CYTIP: variants seen among roughly 807,000 people sequenced by gnomAD.
The protein encoded by CYTIP is cytohesin-interacting protein.
A neutral mutation model predicts 43.8 loss-of-function variants in CYTIP; 26 were observed. The ratio of observed to expected loss-of-function variants is 0.59; its 90% confidence interval spans 0.44 to 0.82. The LOEUF is 0.82. Among genes scored for constraint, CYTIP ranks in the 40% least tolerant of loss-of-function variants. The pLI is 0.00. For missense variants in CYTIP, 426 were observed against 443.1 expected (o/e 0.96, Z 0.35); for synonymous variants, 162 against 162.9 (o/e 0.99, Z 0.04).
chr2:157,428,478 C>T (rs1291125137), intron 5 of CYTIP, among the ~76,000 whole-genome samples: 1 of 152,192 alleles, frequency 6.6e-6, no homozygotes, highest in Admixed American at 6.5e-5. Context: ...GAATCTGTTT[C>T]ATTGGGATTG....
At chr2:157,437,421 C>G (rs1685827940) in intron 1 of CYTIP, among the ~76,000 whole-genome samples, 1 of 151,924 alleles carries the variant, frequency 6.6e-6, no homozygotes, top group South Asian at 2.1e-4. Context: ...CTATACAAGA[C>G]TGGGCATGGT....
intron 5 of CYTIP, among the ~76,000 whole-genome samples, chr2:157,430,342 T>C (rs778603100): frequency 8.5e-5 from 13 of 152,236 alleles, no homozygotes; most frequent in Non-Finnish European, 1.8e-4. Flanking sequence ...GTTTGGGCTA[T>C]TGATGTCCTC....
At chr2:157,422,067 T>C (rs1393413204) in intron 6 of CYTIP, among the ~76,000 whole-genome samples, 2 of 152,204 alleles carry the variant, frequency 1.3e-5, no homozygotes, top group Non-Finnish European at 2.9e-5. Context: ...TGCTGCTGGC[T>C]ATGGCTCATG....
intron 1 of CYTIP, chr2:157,438,887 T>A (rs565082214): frequency 2.5e-4 from 87 of 352,050 alleles, no homozygotes; most frequent in African/African-American, 1.8e-3. Context: ...AAATACCCTT[T>A]TAGTATGCCG....
rs117151894 is a variant in CYTIP at position 157,422,194 on chromosome 2, T to C, written c.547-3605A>G. ...GCCCCCAGACCTGGCTCTGGATTGATAGCCTTGAAGTGCCAAGTGGGGGCA... is the reference window on the plus strand; with the variant it reads ...GCCCCCAGACCTGGCTCTGGATTGACAGCCTTGAAGTGCCAAGTGGGGGCA... On this transcript the variant is annotated intron_variant, in intron 6 of 7. Coordinates refer to ENST00000264192, the MANE Select transcript of CYTIP (RefSeq NM_004288.5). Among the ~76,000 whole-genome samples, 55 of 152,308 alleles carry C rather than the reference T, an allele frequency of 3.6e-4. No homozygotes were observed. In the East Asian group the frequency reaches 6.9e-3, roughly 19 times the overall value.
At chr2:157,430,837 A>G in intron 4 of CYTIP, 23 bp downstream of exon 4, 1 of 1,590,324 alleles carries the variant, frequency 6.3e-7, no homozygotes. Flanking sequence ...ATGATTCCTA[A>G]CATGAGCAAA....
At chr2:157,442,834 G>A (rs995920963) in intron 1 of CYTIP, among the ~76,000 whole-genome samples, 4 of 152,080 alleles carry the variant, frequency 2.6e-5, no homozygotes, top group East Asian at 3.9e-4. Context: ...GAAGGCTTAC[G>A]AGAAGCACAT....
intron 3 of CYTIP, among the ~76,000 whole-genome samples, chr2:157,431,325 T>C (rs1685711771): frequency 1.3e-5 from 2 of 152,206 alleles, no homozygotes; most frequent in South Asian, 4.1e-4. Context: ...AATCCCTAAG[T>C]GGTTCTCCCA....
At chr2:157,431,975 T>C (rs1195795522) in intron 3 of CYTIP, among the ~76,000 whole-genome samples, 2 of 152,198 alleles carry the variant, frequency 1.3e-5, no homozygotes. Context: ...TCCCCATATC[T>C]TAAAGGTAGA....
At position 157,415,518 on chromosome 2, in the gene CYTIP, A is replaced by C; in HGVS notation, c.*159T>G. ...TGTTTAGGTTGAAAAATGATTTAAG[A>C]AGCATAAACTATAACACAACAATTT... On this transcript the variant is annotated 3_prime_UTR_variant, in exon 8 of 8. Transcript: ENST00000264192. The C allele has an allele frequency of 1.7e-6, 1 of 575,590 alleles. No individual in the cohort carries two copies. The highest frequency in any genetic ancestry group is 3.1e-6 in the Non-Finnish European group (1 of 326,930). 35.7% of individuals were successfully genotyped at this position (575,590 alleles called of 1,614,324 possible).
intron 1 of CYTIP, among the ~76,000 whole-genome samples, chr2:157,440,333 C>T (rs1685886018): frequency 6.6e-6 from 1 of 152,102 alleles, no homozygotes; most frequent in South Asian, 2.1e-4. Flanking sequence ...CCGGAGAAAC[C>T]GAAATACAAT....
Position 157,415,923 on chromosome 2 carries a change from C to A in CYTIP, c.834G>T (p.Thr278=). ...DSSRGAFSRQ[T]STDDECFIPK... Reference sequence around the variant, plus strand: ...GGATAAAGCACTCATCATCTGTACTCGTCTGCCGACTGAAGGCACCCCTGC... The same window carrying A: ...GGATAAAGCACTCATCATCTGTACTAGTCTGCCGACTGAAGGCACCCCTGC... The change falls in exon 8 of 8, where the codon ACG becomes ACT. Residue 278 remains threonine (T), a synonymous_variant. Transcript: ENST00000264192. 1 of 1,614,206 alleles carries A rather than the reference C, an allele frequency of 6.2e-7. No individual in the cohort carries two copies. The highest frequency in any genetic ancestry group is 2.2e-5 in the East Asian group (1 of 44,882).
intron 7 of CYTIP, among the ~76,000 whole-genome samples, chr2:157,416,349 G>A (rs184148841): frequency 2.6e-5 from 4 of 152,268 alleles, no homozygotes; most frequent in Admixed American, 2.6e-4. Context: ...ATTGTTCATA[G>A]ACCAAGGTTC....
At chr2:157,440,882 A>G (rs1014518597) in intron 1 of CYTIP, among the ~76,000 whole-genome samples, 2 of 152,116 alleles carry the variant, frequency 1.3e-5, no homozygotes, top group African/African-American at 4.8e-5. Flanking sequence ...CATCATTGAT[A>G]GAGACTGTCC....
intron 5 of CYTIP, among the ~76,000 whole-genome samples, chr2:157,429,385 C>T (rs1685663317): frequency 6.6e-6 from 1 of 152,200 alleles, no homozygotes; most frequent in Middle Eastern, 3.2e-3. Context: ...GACCACTTTA[C>T]ACATCTAAGC....
chr2:157,437,134 A>G (rs1163187992), intron 1 of CYTIP, among the ~76,000 whole-genome samples: 1 of 152,174 alleles, frequency 6.6e-6, no homozygotes, highest in Non-Finnish European at 1.5e-5. Context: ...CATAGGGGAA[A>G]GGCTTTAGCA....
At chr2:157,420,296 G>A (rs568658940) in intron 6 of CYTIP, among the ~76,000 whole-genome samples, 9 of 152,222 alleles carry the variant, frequency 5.9e-5, no homozygotes, top group South Asian at 2.1e-4. Context: ...CAGGTGGATC[G>A]CCTGAGGTCA....
intron 2 of CYTIP, 107 bp from the exon 3 acceptor site, chr2:157,434,531 T>A: frequency 9.7e-7 from 1 of 1,030,328 alleles, no homozygotes; most frequent in Non-Finnish European, 1.5e-6. Context: ...AACTGACATT[T>A]ATGTAAATTG....
intron 1 of CYTIP, among the ~76,000 whole-genome samples, chr2:157,440,665 T>C (rs1685894098): frequency 6.6e-6 from 1 of 152,070 alleles, no homozygotes; most frequent in Non-Finnish European, 1.5e-5. Flanking sequence ...ATAGATGAAA[T>C]CAGCCTGCCA....
Sources: allele counts gnomAD v4.1 joint callset (sites outside exome capture counted in the v4.1 genomes callset), GRCh38; gene constraint gnomAD v4.1.1; transcripts MANE v1.5; gene names NCBI Gene and HGNC (gene_info 2026-07-23, HGNC 2026-07-21).